The following RIT2 variants were observed in gnomAD, a reference collection of about 807,000 sequenced individuals.
The protein encoded by RIT2 is Ras like without CAAX 2, also known as GTP-binding protein Rit2.
RIT2 carries 24 observed loss-of-function variants against 23.7 expected under a neutral mutation model. The observed-to-expected ratio is 1.01, with a 90% CI of 0.73 to 1.43. The LOEUF (loss-of-function observed/expected upper bound fraction) is 1.43. Ranked by LOEUF, RIT2 falls within the 40% of genes most tolerant of loss-of-function variation. The pLI, the probability that RIT2 is intolerant of heterozygous loss-of-function variation, is 0.00. For synonymous variants in RIT2, 107 were observed against 91.1 expected (o/e 1.17, Z -0.99); for missense variants, 236 against 266.9 (o/e 0.88, Z 0.81).
intron 1 of RIT2, among the ~76,000 whole-genome samples, chr18:43,092,009 T>G (rs1356558189): frequency 2.0e-5 from 3 of 152,136 alleles, no homozygotes; most frequent in Admixed American, 1.3e-4. Flanking sequence ...ATATATTATT[T>G]TATGGATAAT....
At chr18:42,998,314 G>A (rs1911032118) in intron 2 of RIT2, among the ~76,000 whole-genome samples, 1 of 152,060 alleles carries the variant, frequency 6.6e-6, no homozygotes, top group South Asian at 2.1e-4. Context: ...CTACAAATCA[G>A]TTTACCACAT....
intron 4 of RIT2, among the ~76,000 whole-genome samples, chr18:42,886,343 G>A (rs1464826220): frequency 6.6e-6 from 1 of 152,064 alleles, no homozygotes; most frequent in Non-Finnish European, 1.5e-5. Flanking sequence ...AATTAGTAGG[G>A]TATAAACAGA....
chr18:43,000,155 T>C (rs1253558246), intron 2 of RIT2, among the ~76,000 whole-genome samples: 1 of 152,092 alleles, frequency 6.6e-6, no homozygotes, highest in Admixed American at 6.6e-5. Flanking sequence ...TAGTAAATGT[T>C]TGAATTACTC....
chr18:43,089,884 G>C (rs554042130), intron 1 of RIT2, among the ~76,000 whole-genome samples: 1 of 151,954 alleles, frequency 6.6e-6, no homozygotes, highest in East Asian at 1.9e-4. Context: ...TATACAAAAA[G>C]TAAATCAAGA....
At chr18:42,865,274 C>T (rs183353000) in intron 4 of RIT2, among the ~76,000 whole-genome samples, 4 of 152,286 alleles carry the variant, frequency 2.6e-5, no homozygotes, top group African/African-American at 9.6e-5. Context: ...TATGTTGGGC[C>T]TCAGTCCACT....
At chr18:42,933,067 C>G (rs1397115900) in intron 3 of RIT2, among the ~76,000 whole-genome samples, 2 of 152,020 alleles carry the variant, frequency 1.3e-5, no homozygotes. Flanking sequence ...TTATGTTGCA[C>G]TTATATTGCT....
At chr18:43,049,662 G>T (rs1912330417) in intron 1 of RIT2, among the ~76,000 whole-genome samples, 1 of 152,140 alleles carries the variant, frequency 6.6e-6, no homozygotes, top group Non-Finnish European at 1.5e-5. Flanking sequence ...ATTTCTCTGA[G>T]AAGGCAGGAC....
At chr18:42,896,982 T>C (rs1908347617) in intron 4 of RIT2, among the ~76,000 whole-genome samples, 1 of 152,230 alleles carries the variant, frequency 6.6e-6, no homozygotes, top group South Asian at 2.1e-4. Flanking sequence ...GCATTTTAAA[T>C]GACGCAGTCC....
chr18:42,930,396 A>G (rs577775600), intron 3 of RIT2, among the ~76,000 whole-genome samples: 1 of 152,224 alleles, frequency 6.6e-6, no homozygotes, highest in African/African-American at 2.4e-5. Flanking sequence ...AGAGAAAAGA[A>G]TTATGAAAAA....
At chr18:42,931,253 A>G (rs1456441705) in intron 3 of RIT2, among the ~76,000 whole-genome samples, 2 of 152,184 alleles carry the variant, frequency 1.3e-5, no homozygotes, top group African/African-American at 2.4e-5. Flanking sequence ...TTTAAGGGGA[A>G]TGAGGATTGG....
intron 4 of RIT2, among the ~76,000 whole-genome samples, chr18:42,851,725 G>A (rs974563866): frequency 3.9e-5 from 6 of 151,964 alleles, no homozygotes; most frequent in African/African-American, 7.3e-5. Flanking sequence ...TGGCACATGC[G>A]TATAGTCCCA....
chr18:42,782,596 A>T (rs1913836031), intron 4 of RIT2, among the ~76,000 whole-genome samples: 1 of 152,168 alleles, frequency 6.6e-6, no homozygotes, highest in South Asian at 2.1e-4. Flanking sequence ...GACAATTTAG[A>T]CAAAGAAAAG....
At chr18:42,814,430 G>T (rs1905937851) in intron 4 of RIT2, among the ~76,000 whole-genome samples, 1 of 152,106 alleles carries the variant, frequency 6.6e-6, no homozygotes, top group Non-Finnish European at 1.5e-5. Context: ...GCTAGGTGAA[G>T]CCTGTGACTG....
intron 4 of RIT2, among the ~76,000 whole-genome samples, chr18:42,745,054 A>C (rs1430056120): frequency 6.6e-6 from 1 of 152,168 alleles, no homozygotes; most frequent in Non-Finnish European, 1.5e-5. Context: ...ATGATCAACA[A>C]AATTACCCAG....
At chr18:42,769,105 TAGTAGAAGCTAAGATTGTGA>T (rs1913490268) in intron 4 of RIT2, among the ~76,000 whole-genome samples, 1 of 152,112 alleles carries the variant, frequency 6.6e-6, no homozygotes, top group African/African-American at 2.4e-5. Flanking sequence ...TGTCCTTTGA[TAGTAGAAGCTAAGATTGTGA>T]AGTGTTTCTA....
chr18:42,992,363 T>C (rs1910872602), intron 2 of RIT2, among the ~76,000 whole-genome samples: 1 of 152,152 alleles, frequency 6.6e-6, no homozygotes, highest in Non-Finnish European at 1.5e-5. Flanking sequence ...GGGCAAATGG[T>C]CTGAGGTGCC....
chr18:43,065,573 T>C (rs1228922930), intron 1 of RIT2, among the ~76,000 whole-genome samples: 1 of 152,166 alleles, frequency 6.6e-6, no homozygotes, highest in Non-Finnish European at 1.5e-5. Context: ...TGTATATGCA[T>C]AGGTACTTTA....
chr18:43,082,578 G>A (rs1391851042), intron 1 of RIT2, among the ~76,000 whole-genome samples: 1 of 151,976 alleles, frequency 6.6e-6, no homozygotes, highest in Admixed American at 6.6e-5. Flanking sequence ...TTCAATATAT[G>A]CAAATAAATA....
chr18:42,791,397 G>A (rs1466463077), intron 4 of RIT2, among the ~76,000 whole-genome samples: 1 of 152,028 alleles, frequency 6.6e-6, no homozygotes, highest in Non-Finnish European at 1.5e-5. Flanking sequence ...ACCTTCTTTT[G>A]TCAATAACCT....
Sources: allele counts gnomAD v4.1 joint callset (sites outside exome capture counted in the v4.1 genomes callset), GRCh38; gene constraint gnomAD v4.1.1; transcripts MANE v1.5; gene names NCBI Gene and HGNC (gene_info 2026-07-23, HGNC 2026-07-21).